MICAL2: variants seen among roughly 807,000 people sequenced by gnomAD.
The protein encoded by MICAL2 is microtubule associated monooxygenase, calponin and LIM domain containing 2.
A neutral mutation model predicts 127.3 loss-of-function variants in MICAL2; 77 were observed. That is an observed-to-expected ratio of 0.60 (90% confidence interval 0.50 to 0.73). MICAL2 has a LOEUF of 0.73. Ranked by LOEUF, MICAL2 falls within the 30% of genes least tolerant of loss-of-function variation. MICAL2 has a pLI of 0.00. For synonymous variants in MICAL2, 570 were observed against 551.1 expected (o/e 1.03, Z -0.48); for missense variants, 1,351 against 1,434.4 (o/e 0.94, Z 0.94).
At chr11:12,196,763 C>T (rs1210418627) in intron 3 of MICAL2, among the ~76,000 whole-genome samples, 1 of 152,180 alleles carries the variant, frequency 6.6e-6, no homozygotes, top group Admixed American at 6.5e-5. Flanking sequence ...ACTCTTCAGT[C>T]TGCCATCCAA....
intron 6 of MICAL2, among the ~76,000 whole-genome samples, chr11:12,212,568 T>C (rs1275536563): frequency 6.6e-6 from 1 of 152,224 alleles, no homozygotes; most frequent in Non-Finnish European, 1.5e-5. Context: ...AAATGCCAGT[T>C]ACTGGGAACT....
chr11:12,156,167 A>G (rs2133762730), intron 2 of MICAL2, among the ~76,000 whole-genome samples: 1 of 152,272 alleles, frequency 6.6e-6, no homozygotes, highest in Non-Finnish European at 1.5e-5. Flanking sequence ...CTGTGTGGCA[A>G]AAGGGGGAAG....
intron 7 of MICAL2, among the ~76,000 whole-genome samples, chr11:12,215,077 CT>C (rs1478137765): frequency 6.6e-6 from 1 of 152,186 alleles, no homozygotes; most frequent in African/African-American, 2.4e-5. Flanking sequence ...ATATGGTGTC[CT>C]TTTGAATGCT....
At chr11:12,173,805 T>C in intron 3 of MICAL2, among the ~76,000 whole-genome samples, 1 of 152,248 alleles carries the variant, frequency 6.6e-6, no homozygotes, top group East Asian at 1.9e-4. Flanking sequence ...TCTTTTTGTG[T>C]TTGGTTTATT....
chr11:12,213,296 A>G lies in MICAL2; in HGVS notation c.733A>G (p.Ile245Val), dbSNP rs1855747257. Reference sequence around the variant, plus strand: ...ATTCCGTGGGAAGCTGGCGATTGCCATCACCGCCAACTTCATAAACAGAAA... The same window carrying G: ...ATTCCGTGGGAAGCTGGCGATTGCCGTCACCGCCAACTTCATAAACAGAAA... Reference protein sequence around the residue: ...KEFRGKLAIAITANFINRNST... With the variant: ...KEFRGKLAIAVTANFINRNST... Residue 245 changes from isoleucine to valine, a missense_variant, in exon 7 of 28, where the codon ATC becomes GTC. Physicochemically the swap from Ile to Val is conservative, Grantham distance 29. Around this residue, in one of 2 missense-constraint regions of MICAL2, gnomAD observed 599 missense variants for 714.9 expected, o/e 0.84. Coordinates refer to ENST00000683283, the MANE Select transcript of MICAL2 (RefSeq NM_001282663.2). The G allele has an allele frequency of 1.9e-6, 3 of 1,613,444 alleles. No individual in the cohort carries two copies.
intron 32 of MICAL2, among the ~76,000 whole-genome samples, chr11:12,348,153 CAAAAAAAA>C (rs57602704): frequency 5.1e-5 from 4 of 79,140 alleles, no homozygotes; most frequent in Non-Finnish European, 4.6e-5. Context: ...GACTCTGTCT[CAAAAAAAA>C]AAAAAAAAAA....
intron 2 of MICAL2, among the ~76,000 whole-genome samples, chr11:12,150,024 C>T (rs960553714): frequency 7.9e-5 from 12 of 152,018 alleles, no homozygotes; most frequent in Admixed American, 2.0e-4. Flanking sequence ...TTTGATGCAC[C>T]GGGTGGCCTG....
chr11:12,189,463 CT>C (rs1858779941), intron 3 of MICAL2, among the ~76,000 whole-genome samples: 1 of 152,162 alleles, frequency 6.6e-6, no homozygotes, highest in Non-Finnish European at 1.5e-5. Flanking sequence ...GATAGATATC[CT>C]TTTCCCGTTG....
At chr11:12,222,818 C>T in intron 11 of MICAL2, 75 bp downstream of exon 11, 2 of 1,573,532 alleles carry the variant, frequency 1.3e-6, no homozygotes, top group Non-Finnish European at 1.7e-6. Flanking sequence ...GAGGGGGTCA[C>T]ATTAAATTTT....
intron 6 of MICAL2, among the ~76,000 whole-genome samples, chr11:12,211,293 A>G (rs1203006679): frequency 6.6e-6 from 1 of 152,110 alleles, no homozygotes; most frequent in Admixed American, 6.5e-5. Context: ...AGGCAGGAGA[A>G]TTGCTTGAAC....
At chr11:12,360,441 T>C (rs1047678550), downstream of MICAL2, among the ~76,000 whole-genome samples, 2 of 152,190 alleles carry the variant, frequency 1.3e-5, no homozygotes, top group African/African-American at 4.8e-5. Context: ...GGTAAGATTA[T>C]GGATGCACAA....
chr11:12,175,709 G>A (rs73414265), intron 3 of MICAL2, among the ~76,000 whole-genome samples: 4,314 of 152,126 alleles, frequency 0.028, 229 homozygotes, highest in African/African-American at 0.099. Flanking sequence ...CTAGAAGATG[G>A]TGACATTTGA....
chr11:12,213,483 T>C, intron 7 of MICAL2, 73 bp downstream of exon 7: 1 of 1,481,900 alleles, frequency 6.7e-7, no homozygotes, highest in Non-Finnish European at 9.1e-7. Context: ...CAGAGGCGTG[T>C]GCTGGCTTTC....
In MICAL2 at chr11:12,180,350, T is replaced by TATATATATATATATATATATATATA. The variant is rs1554968182; in HGVS notation, c.264+17931_264+17932insATATATATATATATATATATATATA. Among the ~76,000 whole-genome samples, 114 of 104,068 alleles carry TATATATATATATATATATATATATA rather than the reference T, an allele frequency of 1.1e-3. 1 individual carries two copies. The highest frequency in any genetic ancestry group is 3.6e-3 in the South Asian group (8 of 2,206). 68.3% of individuals were successfully genotyped at this position (104,068 alleles called of 152,430 possible). ...TTATATACATGTATATATGTATATA[T>TATATATATATATATATATATATATA]TTTTTTTTTGGCAGGAAGGTTTCCC... On this transcript the variant is annotated intron_variant, in intron 3 of 27. Coordinates refer to ENST00000683283, the MANE Select transcript of MICAL2 (RefSeq NM_001282663.2).
chr11:12,257,295 C>G, intron 24 of MICAL2: 5 of 265,642 alleles, frequency 1.9e-5, no homozygotes, highest in Non-Finnish European at 3.5e-5. Flanking sequence ...AAAATCCAAC[C>G]TGATACTCTC....
At chr11:12,208,528 T>G (rs982432791) in intron 5 of MICAL2, among the ~76,000 whole-genome samples, 68 of 152,236 alleles carry the variant, frequency 4.5e-4, no homozygotes, top group African/African-American at 1.6e-3. Flanking sequence ...CATGGCACAT[T>G]TTAAAATCCA....
downstream of MICAL2, among the ~76,000 whole-genome samples, chr11:12,289,455 T>A (rs563322312): frequency 4.6e-5 from 7 of 152,086 alleles, no homozygotes; most frequent in Non-Finnish European, 1.0e-4. Context: ...ATGTCTTTAC[T>A]GGACGCGGCT....
chr11:12,162,047 A>G (rs1040298948), intron 2 of MICAL2, 32 bp from the exon 3 acceptor site: 56 of 1,511,952 alleles, frequency 3.7e-5, no homozygotes, highest in Non-Finnish European at 4.8e-5. Context: ...TCATCGTCCA[A>G]AGCTGACCTC....
chr11:12,141,756 G>A (rs1852373397), intron 2 of MICAL2, among the ~76,000 whole-genome samples: 1 of 152,184 alleles, frequency 6.6e-6, no homozygotes, highest in Non-Finnish European at 1.5e-5. Flanking sequence ...TTAAGAATAT[G>A]GCCCCAAGTT....
Sources: gnomAD v4.1 joint callset for allele counts (sites outside exome capture counted in the v4.1 genomes callset) on GRCh38, gnomAD v4.1.1 for gene constraint, gnomAD v4.1.1 regional missense constraint, MANE v1.5 for transcripts, NCBI Gene and HGNC (gene_info 2026-07-23, HGNC 2026-07-21) for gene names.